Variants in SPI1 observed in about 807,000 individuals in gnomAD.
SPI1 encodes Spi-1 proto-oncogene.
Under a neutral mutation model 30.7 loss-of-function variants are expected in SPI1, and 3 were observed. The observed-to-expected ratio is 0.10, with a 90% CI of 0.04 to 0.25. The LOEUF (loss-of-function observed/expected upper bound fraction) is 0.25. Ranked by LOEUF, SPI1 falls within the 10% of genes least tolerant of loss-of-function variation. The probability of loss-of-function intolerance (pLI) is 1.00; values close to 1 mark genes in which losing one functional copy is unlikely to be tolerated. For synonymous variants in SPI1, 169 were observed against 157.1 expected, an observed-to-expected ratio of 1.08 and a Z score of -0.56; for missense variants, 261 against 371.5, an observed-to-expected ratio of 0.70 and a Z score of 2.45.
At chr11:47,372,654 T>C (rs1329976624) in intron 2 of SPI1, among the ~76,000 whole-genome samples, 1 of 151,908 alleles carries the variant, frequency 6.6e-6, no homozygotes, top group Non-Finnish European at 1.5e-5. Flanking sequence ...CAGTGGAAAA[T>C]AACCCAGTTG....
Position 47,375,546 on chromosome 11 carries a change from T to C in SPI1, c.142+87A>G. 2 of 1,073,796 alleles carry C rather than the reference T, an allele frequency of 1.9e-6. No homozygotes were observed. The highest frequency in any genetic ancestry group is 2.6e-5 in the South Asian group (2 of 77,298). 66.5% of individuals were successfully genotyped at this position (1,073,796 alleles called of 1,614,324 possible). A position where few individuals can be genotyped will look rare whatever the true frequency, so the allele number is the denominator to read the frequency against. Reference sequence around the variant, plus strand: ...GATTCTCAGAATTCCAAAGAAGTCCTGGGAATCATTTATTCTTTTTCTCTC... The same window carrying C: ...GATTCTCAGAATTCCAAAGAAGTCCCGGGAATCATTTATTCTTTTTCTCTC... On this transcript the variant is annotated intron_variant, in intron 2 of 4. Transcript: ENST00000378538. The surrounding 1 kb of genome is among the most constrained non-coding windows in gnomAD (Gnocchi z 4.2).
chr11:47,357,299 C>G (rs1168583801), intron 4 of SPI1, among the ~76,000 whole-genome samples: 3 of 151,182 alleles, frequency 2.0e-5, no homozygotes, highest in African/African-American at 7.3e-5. Context: ...TTATCACTCA[C>G]ACGCTCACAC....
At chr11:47,360,949 G>A (rs928626265) in intron 2 of SPI1, among the ~76,000 whole-genome samples, 4 of 149,256 alleles carry the variant, frequency 2.7e-5, no homozygotes, top group African/African-American at 5.0e-5. Flanking sequence ...GTGAAACCCC[G>A]TCTCTAGTAA....
chr11:47,358,645 C>G, intron 4 of SPI1, 199 bp downstream of exon 4: 1 of 710,724 alleles, frequency 1.4e-6, no homozygotes, highest in Non-Finnish European at 2.6e-6. Context: ...CATGGAGATG[C>G]CCGTATGCAC....
rs1190473586 is a variant in SPI1 at position 47,355,254 on chromosome 11, C to G, written c.786G>C (p.Leu262=). The G allele has an allele frequency of 1.4e-6, 2 of 1,475,320 alleles. No individual in the cohort carries two copies. Among genetic ancestry groups the G allele is most frequent in the East Asian group, 2.7e-5 (1 of 37,046 alleles). The allele number at this position is 1,475,320 out of a possible 1,614,324, so 91.4% of individuals were successfully genotyped here. ...AGTGGGGCGGGTGGCGCCGCTCGGC[C>G]AGGCCCCCGCGGCCCAGCACTTCGC... is the stretch of plus-strand genomic sequence containing the variant. ...FSGEVLGRGG[L]AERRHPPH is the part of the protein sequence containing the mutation. Residue 262 remains leucine, a synonymous_variant, in exon 5 of 5, where the codon CTG becomes CTC. Transcript: ENST00000378538.
chr11:47,358,912 G>T lies in SPI1; in HGVS notation c.425C>A (p.Pro142Gln). 1 of 1,564,228 alleles carries T rather than the reference G, an allele frequency of 6.4e-7. No individual in the cohort carries two copies. The highest frequency in any genetic ancestry group is 8.7e-7 in the Non-Finnish European group (1 of 1,155,262). The stretch of plus-strand genomic sequence containing the variant: ...CGCCTCGCCGTCAGACACCTCCAGT[G>T]GGGGGCTCTGCCGCTCGCCCTCCTC... ...DEEEGERQSP[P>Q]LEVSDGEADG... Residue 142 changes from proline to glutamine, a missense_variant, in exon 4 of 5, where the codon CCA becomes CAA. Around this residue, in one of 5 missense-constraint regions of SPI1, gnomAD observed 106 missense variants for 102.0 expected, o/e 1.04. Coordinates refer to ENST00000378538, the MANE Select transcript of SPI1 (RefSeq NM_003120.3).
chr11:47,354,978 T>C lies in SPI1; in HGVS notation c.*249A>G. The C allele has an allele frequency of 3.0e-6, 1 of 332,862 alleles. No homozygotes were observed. The highest frequency in any genetic ancestry group is 5.4e-6 in the Non-Finnish European group (1 of 184,580). 20.6% of individuals were successfully genotyped at this position (332,862 alleles called of 1,614,324 possible). A position where few individuals can be genotyped will look rare whatever the true frequency, so the allele number is the denominator to read the frequency against. On this transcript the variant is annotated 3_prime_UTR_variant, in exon 5 of 5. Transcript: ENST00000378538. ...CCCAAGGCAGTACCCCGGGTCGTCC[T>C]CTGCAAGGTTGCCCCGGTGGGGTCT...
chr11:47,376,458 G>A (rs1253500549), intron 1 of SPI1, among the ~76,000 whole-genome samples: 2 of 152,088 alleles, frequency 1.3e-5, no homozygotes, highest in Non-Finnish European at 2.9e-5. Context: ...TGGTGCAGGG[G>A]TCACCCAGGC....
intron 2 of SPI1, among the ~76,000 whole-genome samples, chr11:47,369,123 A>G (rs1366420531): frequency 1.3e-5 from 2 of 152,066 alleles, no homozygotes; most frequent in African/African-American, 2.4e-5. Flanking sequence ...GTGGTGGCGC[A>G]TGCCTGTAAT....
intron 2 of SPI1, among the ~76,000 whole-genome samples, chr11:47,364,756 C>T (rs980045488): frequency 2.0e-5 from 3 of 152,152 alleles, no homozygotes; most frequent in African/African-American, 7.2e-5. Context: ...CCAGCATTTC[C>T]CAAAGCTGGT....
chr11:47,363,341 T>C (rs2095923567), intron 2 of SPI1, among the ~76,000 whole-genome samples: 1 of 152,112 alleles, frequency 6.6e-6, no homozygotes, highest in South Asian at 2.1e-4. Flanking sequence ...GCCAACATGA[T>C]GAAACCCCGT....
At chr11:47,355,609 C>T (rs893492472) in intron 4 of SPI1, 63 bp from the exon 5 acceptor site, 10 of 1,401,278 alleles carry the variant, frequency 7.1e-6, no homozygotes, top group Non-Finnish European at 9.5e-6. Flanking sequence ...CCCCCACCGC[C>T]TTGCGTACGC....
chr11:47,358,252 ACTTGCTCACACAC>A (rs912978160), intron 4 of SPI1: 2 of 428,090 alleles, frequency 4.7e-6, no homozygotes, highest in African/African-American at 4.0e-5. Context: ...ACACATATAC[ACTTGCTCACACAC>A]CTGCTGTCAC....
At chr11:47,358,725 G>GCACACACACACACACTGGCAAACATT (rs3832728) in intron 4 of SPI1, 119 bp downstream of exon 4, 1 of 914,774 alleles carries the variant, frequency 1.1e-6, no homozygotes, top group Non-Finnish European at 1.7e-6. Context: ...TGGCAAACAT[G>GCACACACACACACACTGGCAAACATT]CACACACACA....
chr11:47,376,482 G>A (rs1057171109), intron 1 of SPI1, among the ~76,000 whole-genome samples: 2 of 152,128 alleles, frequency 1.3e-5, no homozygotes, highest in African/African-American at 4.8e-5. Context: ...CTTAGGGGCC[G>A]AGCGCATGGA....
chr11:47,365,019 G>T (rs1020246245), intron 2 of SPI1, among the ~76,000 whole-genome samples: 15 of 152,112 alleles, frequency 9.9e-5, no homozygotes, highest in African/African-American at 3.1e-4. Context: ...CTGTGATTTG[G>T]TGCTCAGGCA....
chr11:47,357,672 TCTC>T (rs1391033558), intron 4 of SPI1, among the ~76,000 whole-genome samples: 4 of 152,206 alleles, frequency 2.6e-5, no homozygotes, highest in Non-Finnish European at 4.4e-5. Context: ...TTCAAGCAAT[TCTC>T]CTGTCTCAGC....
intron 2 of SPI1, among the ~76,000 whole-genome samples, chr11:47,373,374 G>A (rs764868364): frequency 3.3e-5 from 5 of 151,440 alleles, no homozygotes; most frequent in African/African-American, 7.3e-5. Context: ...CAGACTGGGC[G>A]CGGTGGTTCA....
intron 4 of SPI1, among the ~76,000 whole-genome samples, chr11:47,356,203 ACACT>A (rs760539064): frequency 2.7e-4 from 40 of 150,208 alleles, no homozygotes; most frequent in East Asian, 6.0e-4. Context: ...GCACCAGCTC[ACACT>A]CACACACATG....
Sources: gnomAD v4.1 joint callset for allele counts (sites outside exome capture counted in the v4.1 genomes callset) on GRCh38, gnomAD v4.1.1 for gene constraint, gnomAD v4.1.1 regional missense constraint, Gnocchi (gnomAD v3.1) non-coding constraint, MANE v1.5 for transcripts, NCBI Gene and HGNC (gene_info 2026-07-23, HGNC 2026-07-21) for gene names.